The following ERFL variants were observed in gnomAD, a reference collection of about 807,000 sequenced individuals.
The protein encoded by ERFL is ETS domain-containing transcription factor ERF-like.
A neutral mutation model predicts 27.9 loss-of-function variants in ERFL; 8 were observed. The ratio of observed to expected loss-of-function variants is 0.29; its 90% CI spans 0.17 to 0.52. ERFL has a LOEUF of 0.52. Among genes scored for constraint, ERFL ranks in the 20% least tolerant of loss-of-function variants. ERFL has a pLI of 0.97. For missense variants in ERFL, 294 were observed against 444.4 expected, an observed-to-expected ratio of 0.66 and a Z score of 3.04; for synonymous variants, 174 against 202.8, an observed-to-expected ratio of 0.86 and a Z score of 1.21.
chr19:41,919,247 AACAC>A lies in ERFL; in HGVS notation c.-13-6319_-13-6316del, dbSNP rs1192612347. Reference sequence around the variant, plus strand: ...ATCCTTAACACACAGACCCACAGAAAACACACAGAAGCACACAGGGTGACACCAG... The same window carrying A: ...ATCCTTAACACACAGACCCACAGAAAACAGAAGCACACAGGGTGACACCAG... On this transcript the variant is annotated intron_variant, in intron 1 of 5. Transcript: ENST00000597630. Among the ~76,000 whole-genome samples, 35 of 152,224 alleles carry A rather than the reference AACAC, an allele frequency of 2.3e-4. No individual in the cohort carries two copies. The South Asian group carries it at 7.0e-3, about 31-fold the overall frequency.
In ERFL at chr19:41,912,015, C is replaced by T. The variant is rs574423523; in HGVS notation, c.67+838G>A. Among the ~76,000 whole-genome samples the T allele has an allele frequency of 1.3e-3, 195 of 152,068 alleles. 6 individuals carry two copies. In the South Asian group the frequency reaches 0.038, roughly 30 times the overall value. On this transcript the variant is annotated intron_variant, in intron 2 of 5. Transcript: ENST00000597630. Reference sequence around the variant, plus strand: ...AATGCACCAAGACAGCCATGCGGAACGCCACACAACCCGAGACAGACCGCA... The same window carrying T: ...AATGCACCAAGACAGCCATGCGGAATGCCACACAACCCGAGACAGACCGCA...
chr19:41,920,421 ACACT>A (rs781902282), intron 1 of ERFL, among the ~76,000 whole-genome samples: 28 of 139,092 alleles, frequency 2.0e-4, no homozygotes, highest in South Asian at 1.5e-3. Context: ...CAGACATGAC[ACACT>A]CACAGACATG....
intron 1 of ERFL, among the ~76,000 whole-genome samples, chr19:41,922,596 G>C (rs1555852606): frequency 6.6e-6 from 1 of 152,120 alleles, no homozygotes; most frequent in East Asian, 1.9e-4. Context: ...GAACCGGAGA[G>C]AGACTCCGAG....
intron 1 of ERFL, among the ~76,000 whole-genome samples, chr19:41,913,749 C>G (rs782491991): frequency 1.3e-5 from 2 of 151,020 alleles, no homozygotes; most frequent in Non-Finnish European, 3.0e-5. Context: ...TACTCCATCC[C>G]CTCCTCACTC....
chr19:41,926,719 G>A (rs2145913927), intron 1 of ERFL, among the ~76,000 whole-genome samples: 1 of 152,278 alleles, frequency 6.6e-6, no homozygotes, highest in Admixed American at 6.5e-5. Context: ...GCCGGGAGGG[G>A]GGAGCGGGCG....
intron 1 of ERFL, among the ~76,000 whole-genome samples, chr19:41,915,788 T>C (rs1364046939): frequency 6.6e-6 from 1 of 152,160 alleles, no homozygotes; most frequent in Admixed American, 6.5e-5. Flanking sequence ...CCTGGCCCCA[T>C]TGATCGCTGA....
In ERFL at chr19:41,916,353, CCA is replaced by C. The variant is rs1250693274; in HGVS notation, c.-13-3423_-13-3422del. On this transcript the variant is annotated intron_variant, in intron 1 of 5. Coordinates refer to ENST00000597630, the MANE Select transcript of ERFL (RefSeq NM_001365103.2). This position sits in a 1 kb window ranked among gnomAD's most constrained non-coding sequence, Gnocchi z 5.4. Reference sequence around the variant, plus strand: ...AACAAAGCAACGCATACCACTGCTGCCACACACAACCCACATCACACAGATGC... The same window carrying C: ...AACAAAGCAACGCATACCACTGCTGCCACACAACCCACATCACACAGATGC... 6.6e-6 allele frequency among the ~76,000 whole-genome samples: 1 copy of C among 152,064 alleles called. No individual in the cohort carries two copies. Among genetic ancestry groups the C allele is most frequent in the African/African-American group, 2.4e-5 (1 of 41,388 alleles).
At chr19:41,927,926 G>A (rs1599683477) in intron 1 of ERFL, 114 bp downstream of exon 1, 2 of 151,588 alleles carry the variant, frequency 1.3e-5, no homozygotes, top group African/African-American at 4.8e-5. Flanking sequence ...CCCCTCCACC[G>A]GCTCGGAGGC....
chr19:41,908,772 G>T lies in ERFL; in HGVS notation c.617-96C>A. On this transcript the variant is annotated intron_variant, in intron 5 of 5. Transcript: ENST00000597630. The surrounding 1 kb of genome is among the most constrained non-coding windows in gnomAD (Gnocchi z 6.7). ...CTGCCATATCCCACCCCATCTCCCC[G>T]CATCCCTCCTACATGGCATCTTACC... 3.3e-6 allele frequency: 2 copies of T among 598,782 alleles called. No homozygotes were observed. The highest frequency in any genetic ancestry group is 4.9e-6 in the Non-Finnish European group (2 of 411,092). The allele number at this position is 598,782 out of a possible 1,614,324, so 37.1% of individuals were successfully genotyped here.
chr19:41,913,781 C>A (rs1347785686), intron 1 of ERFL, among the ~76,000 whole-genome samples: 1 of 150,838 alleles, frequency 6.6e-6, no homozygotes. Flanking sequence ...CACCTTTCCC[C>A]CTCTTATGGC....
rs1451556334 is a variant in ERFL at position 41,917,439 on chromosome 19, G to A, written c.-13-4507C>T. Among the ~76,000 whole-genome samples the A allele has an allele frequency of 2.6e-5, 4 of 151,300 alleles. No homozygotes were observed. The highest frequency in any genetic ancestry group is 6.6e-5 in the Admixed American group (1 of 15,226). ...CGCCTCGGGAGCCGCCTCGGGCCTCGCACCCCCACCACCAGCCCCTTCATC... is the reference window on the plus strand; with the variant it reads ...CGCCTCGGGAGCCGCCTCGGGCCTCACACCCCCACCACCAGCCCCTTCATC... On this transcript the variant is annotated intron_variant, in intron 1 of 5. Coordinates refer to ENST00000597630, the MANE Select transcript of ERFL (RefSeq NM_001365103.2). The surrounding 1 kb of genome is among the most constrained non-coding windows in gnomAD (Gnocchi z 4.8).
intron 1 of ERFL, among the ~76,000 whole-genome samples, chr19:41,915,220 C>CACGTTATA (rs1286247972): frequency 2.0e-5 from 3 of 148,156 alleles, no homozygotes; most frequent in African/African-American, 7.6e-5. Context: ...CTCCTCCGGA[C>CACGTTATA]ACGTTATAAC....
rs1555853447 is a variant in ERFL, at chr19:41,928,039, C to T, written c.-14+1G>A. On this transcript the variant is annotated splice_donor_variant, in intron 1 of 5. Transcript: ENST00000597630. LOFTEE classifies it low-confidence loss of function (5UTR_SPLICE). ...CTGCGCCGGCCGCGGCGCTCACTCA[C>T]TTTCTGGGCTTTTCGCATCCGCTCC... 1 of 152,172 alleles carries T rather than the reference C, an allele frequency of 6.6e-6. No individual in the cohort carries two copies. Among genetic ancestry groups the T allele is most frequent in the Non-Finnish European group, 1.5e-5 (1 of 68,046 alleles). The allele number at this position is 152,172 out of a possible 1,614,324, so 9.4% of individuals were successfully genotyped here.
chr19:41,927,262 C>T (rs900340795), intron 1 of ERFL, among the ~76,000 whole-genome samples: 3 of 152,020 alleles, frequency 2.0e-5, no homozygotes, highest in Non-Finnish European at 4.4e-5. Context: ...AAAGGGTGTC[C>T]CAGAGGGCCC....
Position 41,916,947 on chromosome 19 carries a change from C to T in ERFL, c.-13-4015G>A, listed in dbSNP as rs112354043. ...CCAAGGCCCCTGCCACTCCTGCTCC[C>T]ACCATCCCCATCTGTCTGCCTGTCC... On this transcript the variant is annotated intron_variant, in intron 1 of 5. Coordinates refer to ENST00000597630, the MANE Select transcript of ERFL (RefSeq NM_001365103.2). This position sits in a 1 kb window ranked among gnomAD's most constrained non-coding sequence, Gnocchi z 5.4. Among the ~76,000 whole-genome samples the T allele has an allele frequency of 2.0e-5, 3 of 152,344 alleles. No homozygotes were observed. Among genetic ancestry groups the T allele is most frequent in the African/African-American group, 7.2e-5 (3 of 41,582 alleles).
chr19:41,917,161 T>A lies in ERFL; in HGVS notation c.-13-4229A>T, dbSNP rs1188944837. The stretch of plus-strand genomic sequence containing the variant: ...CTGTCTCTGTCACTGAGGGTCTCTG[T>A]CTGTCTCTGTCAGAGAGGGTCTTTT... On this transcript the variant is annotated intron_variant, in intron 1 of 5. Transcript: ENST00000597630. This position sits in a 1 kb window ranked among gnomAD's most constrained non-coding sequence, Gnocchi z 4.8. Among the ~76,000 whole-genome samples the A allele has an allele frequency of 1.3e-5, 2 of 152,132 alleles. No homozygotes were observed. The highest frequency in any genetic ancestry group is 1.3e-4 in the Admixed American group (2 of 15,272).
intron 2 of ERFL, among the ~76,000 whole-genome samples, chr19:41,911,863 G>A (rs1227245330): frequency 6.6e-6 from 1 of 151,622 alleles, no homozygotes; most frequent in Non-Finnish European, 1.5e-5. Flanking sequence ...CCCAAACTCA[G>A]TAGGCAGACA....
At chr19:41,918,175 T>C (rs2074813440) in intron 1 of ERFL, among the ~76,000 whole-genome samples, 1 of 151,780 alleles carries the variant, frequency 6.6e-6, no homozygotes, top group Admixed American at 6.6e-5. Flanking sequence ...CCTTTGTGCC[T>C]GGGGTGTACA....
rs1568834121 is a variant in ERFL, at chr19:41,917,937, T to TCACACACTGTGTGTGTGTGC, written c.-13-5006_-13-5005insGCACACACACACAGTGTGTG. ...CGCGGTCACACACTGTGTGTGTGTG[T>TCACACACTGTGTGTGTGTGC]GCTCACACACCTGTCCGTCCAGACT... On this transcript the variant is annotated intron_variant, in intron 1 of 5. Coordinates refer to ENST00000597630, the MANE Select transcript of ERFL (RefSeq NM_001365103.2). This position sits in a 1 kb window ranked among gnomAD's most constrained non-coding sequence, Gnocchi z 4.8. 6.6e-6 allele frequency among the ~76,000 whole-genome samples: 1 copy of TCACACACTGTGTGTGTGTGC among 151,452 alleles called. No individual in the cohort carries two copies. The highest frequency in any genetic ancestry group is 2.4e-5 in the African/African-American group (1 of 40,952).
Sources: allele counts gnomAD v4.1 joint callset (sites outside exome capture counted in the v4.1 genomes callset), GRCh38; gene constraint gnomAD v4.1.1; non-coding constraint Gnocchi (gnomAD v3.1); transcripts MANE v1.5; gene names NCBI Gene and HGNC (gene_info 2026-07-23, HGNC 2026-07-21).